The following DCUN1D2 variants were observed in gnomAD, a reference collection of about 807,000 sequenced individuals.
DCUN1D2 encodes the protein DCN1-like protein 2.
DCUN1D2 carries 29 observed loss-of-function variants against 30.9 expected under a neutral mutation model. The ratio of observed to expected loss-of-function variants is 0.94; its 90% CI spans 0.70 to 1.28. The LOEUF (loss-of-function observed/expected upper bound fraction) is 1.28. Among genes scored for constraint, DCUN1D2 ranks in the 50% most tolerant of loss-of-function variants. The pLI, the probability that DCUN1D2 is intolerant of heterozygous loss-of-function variation, is 0.00. For missense variants in DCUN1D2, 325 were observed against 316.9 expected, an observed-to-expected ratio of 1.03 and a Z score of -0.19; for synonymous variants, 121 against 115.3, an observed-to-expected ratio of 1.05 and a Z score of -0.32.
intron 3 of DCUN1D2, 40 bp from the exon 4 acceptor site, chr13:113,474,294 C>T (rs1196966418): frequency 2.5e-6 from 4 of 1,606,972 alleles, no homozygotes; most frequent in Non-Finnish European, 2.6e-6. Flanking sequence ...AGCAGATGCG[C>T]CTCCCTAGTC....
At chr13:113,471,328 GGACCCAACTCCATAGAA>G (rs1225711163) in intron 4 of DCUN1D2, among the ~76,000 whole-genome samples, 4 of 141,628 alleles carry the variant, frequency 2.8e-5, no homozygotes, top group East Asian at 5.4e-4. Flanking sequence ...ACTCCACAGG[GGACCCAACTCCATAGAA>G]GACCCAACTC....
rs542536114 is a variant in DCUN1D2, at chr13:113,460,650, C to G, written c.603+404G>C. ...GCACCGCCACATACAATCCGCAGTT[C>G]CGGAGCCCAAACCAGTCCACAGAAG... On this transcript the variant is annotated intron_variant, in intron 5 of 6. Coordinates refer to ENST00000478244, the MANE Select transcript of DCUN1D2 (RefSeq NM_001014283.2). Among the ~76,000 whole-genome samples, 4 of 152,366 alleles carry G rather than the reference C, an allele frequency of 2.6e-5. No individual in the cohort carries two copies. The East Asian group carries it at 7.7e-4, about 29-fold the overall frequency.
At chr13:113,471,911 G>A (rs539577960) in intron 4 of DCUN1D2, among the ~76,000 whole-genome samples, 1 of 152,226 alleles carries the variant, frequency 6.6e-6, no homozygotes, top group South Asian at 2.1e-4. Context: ...ATGAGCAGGG[G>A]CTGCTGGGGA....
At chr13:113,468,031 G>A (rs1347081740) in intron 4 of DCUN1D2, among the ~76,000 whole-genome samples, 3 of 138,394 alleles carry the variant, frequency 2.2e-5, no homozygotes, top group Non-Finnish European at 3.0e-5. Flanking sequence ...GCGACAGAGC[G>A]AGGATCCATC....
chr13:113,476,194 A>G (rs2044614897), intron 3 of DCUN1D2: 1 of 152,228 alleles, frequency 6.6e-6, no homozygotes, highest in African/African-American at 2.4e-5. Flanking sequence ...CTGCACACAG[A>G]TCACAACATA....
chr13:113,484,633 A>T (rs753740506), intron 1 of DCUN1D2, among the ~76,000 whole-genome samples: 4 of 152,244 alleles, frequency 2.6e-5, no homozygotes, highest in South Asian at 2.1e-4. Flanking sequence ...AATAATACTA[A>T]TAACAAGAAT....
At position 113,474,264 on chromosome 13, in the gene DCUN1D2, C is replaced by G; in HGVS notation, c.390-10G>C. ...CTCCATGCTGTCACACCTGCGATGA[C>G]AGAGAGTGGTTTGTCTTGCAGCAGA... On this transcript the variant is annotated splice_polypyrimidine_tract_variant and intron_variant, in intron 3 of 6. Coordinates refer to ENST00000478244, the MANE Select transcript of DCUN1D2 (RefSeq NM_001014283.2). The G allele has an allele frequency of 1.2e-6, 2 of 1,613,162 alleles. No homozygotes were observed. The highest frequency in any genetic ancestry group is 1.7e-6 in the Non-Finnish European group (2 of 1,179,314).
chr13:113,484,339 T>C (rs2044764783), intron 1 of DCUN1D2: 8 of 531,178 alleles, frequency 1.5e-5, no homozygotes, highest in Middle Eastern at 6.4e-4. Flanking sequence ...CATTTTTCTC[T>C]AAAACTCTCA....
intron 3 of DCUN1D2, among the ~76,000 whole-genome samples, 170 bp from the exon 4 acceptor site, chr13:113,474,424 G>T (rs967465934): frequency 6.6e-6 from 1 of 152,212 alleles, no homozygotes; most frequent in African/African-American, 2.4e-5. Context: ...TGTAAGAGAA[G>T]ATGGGGGGGC....
At chr13:113,468,682 G>T (rs959416101) in intron 4 of DCUN1D2, among the ~76,000 whole-genome samples, 8 of 150,224 alleles carry the variant, frequency 5.3e-5, no homozygotes, top group Admixed American at 3.3e-4. Flanking sequence ...CTGGACAGGC[G>T]GGGCGGAGGC....
In DCUN1D2 at chr13:113,459,335, T is replaced by C. The variant is rs746669924; in HGVS notation, c.677A>G (p.Asp226Gly). The change falls in exon 6 of 7, where the codon GAT becomes GGT. Residue 226 changes from aspartate to glycine, a missense_variant. Physicochemically the swap from Asp to Gly is moderately conservative, Grantham distance 94 (BLOSUM62 -1). Transcript: ENST00000478244. ...ACCTTCTTCATCGTAGTTAGACATA[T>C]CATCCGCAATCATGTTTCCAAAGTC... ...LLDFGNMIAD[D>G]MSNYDEEGAW... 3 of 1,596,348 alleles carry C rather than the reference T, an allele frequency of 1.9e-6. No individual in the cohort carries two copies. The highest frequency in any genetic ancestry group is 2.6e-6 in the Non-Finnish European group (3 of 1,163,900).
intron 2 of DCUN1D2, among the ~76,000 whole-genome samples, chr13:113,482,807 G>A (rs1251977021): frequency 6.6e-6 from 1 of 152,132 alleles, no homozygotes; most frequent in Non-Finnish European, 1.5e-5. Flanking sequence ...GCTGGGCGTG[G>A]TGGCATGCAC....
chr13:113,456,493 G>C lies in DCUN1D2; in HGVS notation c.*1536C>G. On this transcript the variant is annotated 3_prime_UTR_variant, in exon 7 of 7. Coordinates refer to ENST00000478244, the MANE Select transcript of DCUN1D2 (RefSeq NM_001014283.2). The stretch of plus-strand genomic sequence containing the variant: ...ACACCGCAGCTAGGTCATCTGCGGC[G>C]ACTCTCCTCTGTGCTGGGCAGCAGC... 1 of 398,002 alleles carries C rather than the reference G, an allele frequency of 2.5e-6. No homozygotes were observed. Among genetic ancestry groups the C allele is most frequent in the Non-Finnish European group, 4.4e-6 (1 of 225,986 alleles). 24.7% of individuals were successfully genotyped at this position (398,002 alleles called of 1,614,324 possible). A position where few individuals can be genotyped will look rare whatever the true frequency, so the allele number is the denominator to read the frequency against.
chr13:113,468,756 G>T (rs1381772841), intron 4 of DCUN1D2: 4 of 152,254 alleles, frequency 2.6e-5, no homozygotes, highest in Non-Finnish European at 5.9e-5. Flanking sequence ...AGAAAGCAAA[G>T]CCAAACACCC....
rs1028199129 is a variant in DCUN1D2 at position 113,456,016 on chromosome 13, A to G, written c.*2013T>C. The G allele has an allele frequency of 2.3e-5, 9 of 394,714 alleles. No individual in the cohort carries two copies. The highest frequency in any genetic ancestry group is 1.9e-4 in the African/African-American group (9 of 48,596). 24.5% of individuals were successfully genotyped at this position (394,714 alleles called of 1,614,324 possible). A position where few individuals can be genotyped will look rare whatever the true frequency, so the allele number is the denominator to read the frequency against. On this transcript the variant is annotated 3_prime_UTR_variant, in exon 7 of 7. Transcript: ENST00000478244. ...AGTACTGTGGATCTCCATAGTTTAT[A>G]CAGAATTATGTGAATTCTATAAACT...
chr13:113,485,180 A>G (rs756397020), intron 1 of DCUN1D2, among the ~76,000 whole-genome samples: 3 of 152,232 alleles, frequency 2.0e-5, no homozygotes, highest in Non-Finnish European at 4.4e-5. Context: ...AACAGACCCT[A>G]GAATCCACTG....
chr13:113,458,030 T>G lies in DCUN1D2; in HGVS notation c.779A>C (p.Ter260SerextTer4), dbSNP rs767292027. 1.9e-6 allele frequency: 3 copies of G among 1,613,880 alleles called. No individual in the cohort carries two copies. The highest frequency in any genetic ancestry group is 2.5e-6 in the Non-Finnish European group (3 of 1,179,714). ...TCTTACTCCTGCTTAACTTGCTGCC[T>G]AGAAAAGGCTGCGTTTTCCACCTGT... ...VVTGGKRSLF* is the reference protein window; with the variant it reads ...VVTGGKRSLFS The change falls in exon 7 of 7, where the codon TAG becomes TCG. Residue 260 changes from the stop codon to serine (S), a stop_lost. Coordinates refer to ENST00000478244, the MANE Select transcript of DCUN1D2 (RefSeq NM_001014283.2).
intron 1 of DCUN1D2, 105 bp from the exon 2 acceptor site, chr13:113,484,161 C>T (rs548517018): frequency 2.3e-5 from 36 of 1,532,802 alleles, no homozygotes; most frequent in Middle Eastern, 4.6e-4. Context: ...GAGACAAAGC[C>T]TTGCTCTTCA....
At position 113,480,571 on chromosome 13, in the gene DCUN1D2, T is replaced by A; in HGVS notation, c.389+4A>T. 6.2e-7 allele frequency: 1 copy of A among 1,613,920 alleles called. No homozygotes were observed. Among genetic ancestry groups the A allele is most frequent in the Non-Finnish European group, 8.5e-7 (1 of 1,179,938 alleles). On this transcript the variant is annotated splice_donor_region_variant and intron_variant, in intron 3 of 6. Coordinates refer to ENST00000478244, the MANE Select transcript of DCUN1D2 (RefSeq NM_001014283.2). ...AACATTTAAGCTAAGAATAGTTGAC[T>A]TACCCAAGTTCTGTCATGCCATCTA...
Sources: allele counts gnomAD v4.1 joint callset (sites outside exome capture counted in the v4.1 genomes callset), GRCh38; gene constraint gnomAD v4.1.1; transcripts MANE v1.5; gene names NCBI Gene and HGNC (gene_info 2026-07-23, HGNC 2026-07-21).